TEX9: variants seen among roughly 807,000 people sequenced by gnomAD.
The protein encoded by TEX9 is testis expressed 9, also known as testis-expressed protein 9.
Under a neutral mutation model 59.6 loss-of-function variants are expected in TEX9, and 74 were observed. That is an observed-to-expected ratio of 1.24 (90% CI 1.03 to 1.51). The LOEUF is 1.51. Ranked by LOEUF, TEX9 falls within the 40% of genes most tolerant of loss-of-function variation. The pLI, the probability that TEX9 is intolerant of heterozygous loss-of-function variation, is 0.00. For missense variants in TEX9, 522 were observed against 447.8 expected (o/e 1.17, Z -1.49); for synonymous variants, 186 against 152.2 (o/e 1.22, Z -1.64).
At chr15:56,293,969 T>C (rs766777565) in intron 1 of TEX9, among the ~76,000 whole-genome samples, 74 of 152,264 alleles carry the variant, frequency 4.9e-4, no homozygotes, top group South Asian at 1.0e-3. Flanking sequence ...AATTATCAAG[T>C]ATGAGGGTAT....
At chr15:56,383,227 T>G (rs1226094427) in intron 3 of TEX9, among the ~76,000 whole-genome samples, 1 of 152,196 alleles carries the variant, frequency 6.6e-6, no homozygotes, top group African/African-American at 2.4e-5. Flanking sequence ...GTCCCTCCCC[T>G]AAGTGCACAG....
chr15:56,381,940 AGGGTAGCGAGTTCCCCCAGGCCCT>A (rs1314074694), intron 3 of TEX9, among the ~76,000 whole-genome samples: 3 of 152,164 alleles, frequency 2.0e-5, no homozygotes, highest in Admixed American at 1.3e-4. Flanking sequence ...CCTTCCCTTC[AGGGTAGCGAGTTCCCCCAGGCCCT>A]GGGTGGGTCC....
chr15:56,443,303 T>TA, intron 12 of TEX9: 2 of 643,986 alleles, frequency 3.1e-6, no homozygotes, highest in Non-Finnish European at 4.8e-6. Context: ...CTTTTAACTG[T>TA]AGTATACCAT....
chr15:56,284,387 T>C lies in TEX9; in HGVS notation c.-107+40109T>C, dbSNP rs561271727. On this transcript the variant is annotated intron_variant, in intron 1 of 5. Transcript: ENST00000560827. The stretch of plus-strand genomic sequence containing the variant: ...AGTTAAAATATCCTTTCAAAGGGTG[T>C]GCAGCAGTAAGATACTGGCTAAGTA... Among the ~76,000 whole-genome samples, 103 of 152,240 alleles carry C rather than the reference T, an allele frequency of 6.8e-4. 1 individual carries two copies. Among genetic ancestry groups the C allele is most frequent in the African/African-American group, 2.3e-3 (97 of 41,558 alleles).
upstream of TEX9, chr15:56,365,418 G>A (rs1198146920): frequency 3.1e-6 from 5 of 1,603,720 alleles, no homozygotes; most frequent in Admixed American, 1.7e-5. Context: ...AAGATGCGTC[G>A]TTGCCTCGGT....
downstream of TEX9, chr15:56,447,123 T>TA: frequency 1.9e-6 from 1 of 520,290 alleles, no homozygotes. Context: ...CATTAGGGCT[T>TA]ACATTTTCTG....
chr15:56,446,077 T>C (rs1419373490), downstream of TEX9: 1 of 152,018 alleles, frequency 6.6e-6, no homozygotes, highest in African/African-American at 2.4e-5. Flanking sequence ...ATTTATGGTA[T>C]CTATTCTTAA....
chr15:56,258,974 A>G (rs2044206814), intron 1 of TEX9, among the ~76,000 whole-genome samples: 1 of 151,180 alleles, frequency 6.6e-6, no homozygotes, highest in Admixed American at 6.6e-5. Flanking sequence ...ATGCATATAT[A>G]GCAAATATCT....
At position 56,416,899 on chromosome 15, in the gene TEX9, G is replaced by C. The variant is rs547272950; in HGVS notation, c.963+4463G>C. Among the ~76,000 whole-genome samples, 49 of 151,886 alleles carry C rather than the reference G, an allele frequency of 3.2e-4. 1 individual carries two copies. Among genetic ancestry groups the C allele is most frequent in the African/African-American group, 1.2e-3 (48 of 41,254 alleles). On this transcript the variant is annotated intron_variant, in intron 10 of 12. Coordinates refer to ENST00000352903, the Ensembl canonical transcript of TEX9. ...CAGTTTTGGAGCTCATTATTGGTCT[G>C]TGTAGGGATTCAGTTTCTTCCTGGT...
intron 12 of TEX9, among the ~76,000 whole-genome samples, chr15:56,442,579 T>C (rs2050836226): frequency 6.6e-6 from 1 of 152,102 alleles, no homozygotes; most frequent in South Asian, 2.1e-4. Flanking sequence ...CAAAATCATA[T>C]CCTTTGCGTC....
chr15:56,365,396 A>C (rs555777486), upstream of TEX9: 2 of 1,586,734 alleles, frequency 1.3e-6, no homozygotes, highest in African/African-American at 2.7e-5. Context: ...GGGATGTGGA[A>C]ACTCTCGCGG....
intron 1 of TEX9, among the ~76,000 whole-genome samples, chr15:56,324,191 A>C (rs140530087): frequency 6.6e-6 from 1 of 151,848 alleles, no homozygotes; most frequent in Non-Finnish European, 1.5e-5. Flanking sequence ...CAAAAAAAAA[A>C]AGTCGCAGTG....
In TEX9 at chr15:56,272,932, TTA is replaced by T. The variant is rs1409951084; in HGVS notation, c.-107+28656_-107+28657del. On this transcript the variant is annotated intron_variant, in intron 1 of 5. Coordinates refer to the TEX9 transcript ENST00000560827. ...GGGGGTTCTTTATTTATTTATTTAT[TTA>T]TTTATTTTTTTTGTTGTTGTTGTTG... Among the ~76,000 whole-genome samples the T allele has an allele frequency of 3.9e-3, 503 of 128,290 alleles. 2 individuals are homozygous for T. The highest frequency in any genetic ancestry group is 0.014 in the African/African-American group (490 of 36,158). 84.2% of individuals were successfully genotyped at this position (128,290 alleles called of 152,430 possible). A position where few individuals can be genotyped will look rare whatever the true frequency, so the allele number is the denominator to read the frequency against.
At chr15:56,427,919 A>C (rs533110425) in intron 11 of TEX9, among the ~76,000 whole-genome samples, 180 bp downstream of exon 11, 1 of 152,248 alleles carries the variant, frequency 6.6e-6, no homozygotes, top group East Asian at 1.9e-4. Flanking sequence ...TGTGTCATCT[A>C]AGCAAGTGGA....
chr15:56,319,090 A>G (rs2045845239), intron 1 of TEX9, among the ~76,000 whole-genome samples: 2 of 152,058 alleles, frequency 1.3e-5, no homozygotes. Context: ...TTGTTCAGAG[A>G]GGAAGTTTCA....
chr15:56,270,253 A>T (rs2141389045), intron 1 of TEX9, among the ~76,000 whole-genome samples: 1 of 152,104 alleles, frequency 6.6e-6, no homozygotes, highest in South Asian at 2.1e-4. Flanking sequence ...GGGTGTTAAA[A>T]TCTCCCATTA....
the TEX9 span, chr15:56,456,494 G>A: frequency 6.2e-7 from 1 of 1,611,340 alleles, no homozygotes. Context: ...TTGAGCTGGA[G>A]TTCTTTCAAT....
At chr15:56,310,873 A>G (rs1352719223) in intron 1 of TEX9, among the ~76,000 whole-genome samples, 2 of 152,214 alleles carry the variant, frequency 1.3e-5, no homozygotes, top group Non-Finnish European at 2.9e-5. Context: ...CAGAGTTTTC[A>G]AAATGACATG....
intron 1 of TEX9, among the ~76,000 whole-genome samples, chr15:56,345,466 C>T (rs578088066): frequency 6.6e-6 from 1 of 152,218 alleles, no homozygotes; most frequent in South Asian, 2.1e-4. Flanking sequence ...GGCCTTTTCC[C>T]CCCTAAGAGA....
Sources: allele counts gnomAD v4.1 joint callset (sites outside exome capture counted in the v4.1 genomes callset), GRCh38; gene constraint gnomAD v4.1.1; transcripts MANE v1.5; gene names NCBI Gene and HGNC (gene_info 2026-07-23, HGNC 2026-07-21).